The following SNX29 variants were observed in gnomAD, a reference collection of about 807,000 sequenced individuals.
SNX29 encodes the protein sorting nexin 29.
In SNX29, 78 loss-of-function variants were observed where a neutral mutation model predicts 102.1. The observed-to-expected ratio is 0.76, with a 90% CI of 0.64 to 0.92. The LOEUF (loss-of-function observed/expected upper bound fraction) is 0.92. Among genes scored for constraint, SNX29 ranks in the 40% least tolerant of loss-of-function variants. The pLI, the probability that SNX29 is intolerant of heterozygous loss-of-function variation, is 0.00. For synonymous variants in SNX29, 580 were observed against 414.5 expected, an observed-to-expected ratio of 1.40 and a Z score of -4.85; for missense variants, 1,280 against 1,061.7, an observed-to-expected ratio of 1.21 and a Z score of -2.86.
chr16:12,569,542 G>C lies in SNX29; in HGVS notation c.*913G>C, dbSNP rs993095110. 1 of 231,476 alleles carries C rather than the reference G, an allele frequency of 4.3e-6. No individual in the cohort carries two copies. The highest frequency in any genetic ancestry group is 8.5e-6 in the Non-Finnish European group (1 of 117,020). 14.3% of individuals were successfully genotyped at this position (231,476 alleles called of 1,614,324 possible). On this transcript the variant is annotated 3_prime_UTR_variant, in exon 21 of 21. Coordinates refer to ENST00000566228, the MANE Select transcript of SNX29 (RefSeq NM_032167.5). Reference sequence around the variant, plus strand: ...TGACTATGAAGTTGGACCCAGTGTGGACACTTAACAGATCATGTGTCTCTC... The same window carrying C: ...TGACTATGAAGTTGGACCCAGTGTGCACACTTAACAGATCATGTGTCTCTC...
At chr16:12,345,055 A>AC (rs2151272798) in intron 15 of SNX29, among the ~76,000 whole-genome samples, 1 of 151,998 alleles carries the variant, frequency 6.6e-6, no homozygotes, top group East Asian at 1.9e-4. Flanking sequence ...TTTTCCGCTG[A>AC]CCCTCCCATA....
intron 19 of SNX29, among the ~76,000 whole-genome samples, chr16:12,488,701 G>T (rs959125980): frequency 6.6e-6 from 1 of 152,144 alleles, no homozygotes; most frequent in South Asian, 2.1e-4. Context: ...CAGTTCCCAT[G>T]TGGCGCCATC....
chr16:12,568,171 A>T (rs1442779277), intron 20 of SNX29, among the ~76,000 whole-genome samples: 2 of 152,142 alleles, frequency 1.3e-5, no homozygotes, highest in Non-Finnish European at 2.9e-5. Flanking sequence ...TTTGCTGGAA[A>T]ATCAAGGAAA....
chr16:12,552,158 A>G (rs376991268), intron 20 of SNX29, among the ~76,000 whole-genome samples: 127 of 152,302 alleles, frequency 8.3e-4, no homozygotes, highest in African/African-American at 2.9e-3. Flanking sequence ...GTACAGCTTA[A>G]TCTACTAATC....
chr16:12,403,590 CT>C, intron 18 of SNX29, 61 bp downstream of exon 18: 2 of 1,492,172 alleles, frequency 1.3e-6, no homozygotes, highest in Admixed American at 3.9e-5. Flanking sequence ...ATTTGTCATG[CT>C]GTGGTGCTTT....
chr16:12,557,101 A>G (rs1427299457), intron 20 of SNX29, among the ~76,000 whole-genome samples: 1 of 149,048 alleles, frequency 6.7e-6, no homozygotes, highest in Non-Finnish European at 1.5e-5. Flanking sequence ...TAGCTGCCTC[A>G]ACCTCCGAAA....
chr16:12,485,685 C>T (rs547261001), intron 19 of SNX29, among the ~76,000 whole-genome samples: 7 of 152,222 alleles, frequency 4.6e-5, no homozygotes, highest in African/African-American at 1.4e-4. Context: ...GGCTGTTGTG[C>T]TGGGTGCAGG....
chr16:12,405,768 T>C (rs553729603), intron 18 of SNX29, among the ~76,000 whole-genome samples: 1 of 152,354 alleles, frequency 6.6e-6, no homozygotes, highest in Admixed American at 6.5e-5. Flanking sequence ...GCATGGTGGC[T>C]CACGCCTGTA....
chr16:12,530,141 A>G (rs770612080), intron 20 of SNX29, among the ~76,000 whole-genome samples: 135 of 152,378 alleles, frequency 8.9e-4, no homozygotes, highest in Middle Eastern at 6.8e-3. Context: ...CCTCTAAGGC[A>G]GGTGAGTTTG....
intron 18 of SNX29, among the ~76,000 whole-genome samples, chr16:12,477,298 T>C (rs1364863123): frequency 6.6e-6 from 1 of 152,152 alleles, no homozygotes; most frequent in Non-Finnish European, 1.5e-5. Flanking sequence ...CACATTGCCC[T>C]CCAAACCACC....
rs1215135301 is a variant in SNX29 at position 12,527,471 on chromosome 16, C to A, written c.2318+2630C>A. 3 of 427,630 alleles carry A rather than the reference C, an allele frequency of 7.0e-6. No individual in the cohort carries two copies. In the Admixed American group the frequency reaches 1.0e-4, roughly 15 times the overall value. 26.5% of individuals were successfully genotyped at this position (427,630 alleles called of 1,614,324 possible). On this transcript the variant is annotated intron_variant, in intron 20 of 20. Coordinates refer to ENST00000566228, the MANE Select transcript of SNX29 (RefSeq NM_032167.5). Reference sequence around the variant, plus strand: ...GTTCTTTCAAATGTTGATTTAGGATCCAAAAAGTCCATTTGAGTTACTGAA... The same window carrying A: ...GTTCTTTCAAATGTTGATTTAGGATACAAAAAGTCCATTTGAGTTACTGAA...
rs138858643 is a variant in SNX29 at position 12,538,135 on chromosome 16, A to T, written c.2318+13294A>T. ...TTCCCCTTGCATTTTTTTATTTTTG[A>T]GACGGAGTCTCACTCTGTCACCCAG... On this transcript the variant is annotated intron_variant, in intron 20 of 20. Coordinates refer to ENST00000566228, the MANE Select transcript of SNX29 (RefSeq NM_032167.5). 2.0e-3 allele frequency among the ~76,000 whole-genome samples: 309 copies of T among 152,120 alleles called. 1 individual carries two copies. Among genetic ancestry groups the T allele is most frequent in the African/African-American group, 7.2e-3 (298 of 41,486 alleles).
At chr16:12,520,052 C>G (rs571829265) in intron 19 of SNX29, among the ~76,000 whole-genome samples, 14 of 152,138 alleles carry the variant, frequency 9.2e-5, no homozygotes, top group Non-Finnish European at 1.8e-4. Flanking sequence ...AACACAGTCA[C>G]AGGCAGGAAT....
intron 15 of SNX29, among the ~76,000 whole-genome samples, chr16:12,292,726 A>G (rs1402590705): frequency 1.3e-5 from 2 of 152,270 alleles, no homozygotes; most frequent in Non-Finnish European, 2.9e-5. Context: ...TGTAATAGTG[A>G]GACTTAGGAC....
At chr16:12,135,502 T>A in intron 13 of SNX29, 2 of 1,316,524 alleles carry the variant, frequency 1.5e-6, no homozygotes, top group South Asian at 2.5e-5. Context: ...AGTTACTGCA[T>A]TCTTGAGAGG....
intron 14 of SNX29, among the ~76,000 whole-genome samples, chr16:12,262,690 C>G (rs542676185): frequency 1.6e-4 from 25 of 152,192 alleles, no homozygotes; most frequent in Non-Finnish European, 3.1e-4. Flanking sequence ...GGTAAGGAGA[C>G]CAGGGCAGTG....
At chr16:12,434,673 G>T (rs952425643) in intron 18 of SNX29, among the ~76,000 whole-genome samples, 1 of 152,212 alleles carries the variant, frequency 6.6e-6, no homozygotes. Context: ...CCTGCACAAC[G>T]GCTGGGGGCT....
At chr16:12,494,652 C>A (rs145517068) in intron 19 of SNX29, among the ~76,000 whole-genome samples, 112 of 152,314 alleles carry the variant, frequency 7.4e-4, no homozygotes, top group African/African-American at 2.6e-3. Context: ...CCCCTTGGAA[C>A]TTTCTCATCA....
At chr16:12,244,357 C>T (rs2078199926) in intron 14 of SNX29, among the ~76,000 whole-genome samples, 2 of 152,156 alleles carry the variant, frequency 1.3e-5, no homozygotes, top group Non-Finnish European at 2.9e-5. Flanking sequence ...ATCTGTAATC[C>T]CAGCACTTTG....
Sources: gnomAD v4.1 joint callset for allele counts (sites outside exome capture counted in the v4.1 genomes callset) on GRCh38, gnomAD v4.1.1 for gene constraint, MANE v1.5 for transcripts, NCBI Gene and HGNC (gene_info 2026-07-23, HGNC 2026-07-21) for gene names.